ASTN2: variants seen among roughly 807,000 people sequenced by gnomAD.
The protein encoded by ASTN2 is astrotactin 2.
Under a neutral mutation model 139.8 loss-of-function variants are expected in ASTN2, and 54 were observed. The observed-to-expected ratio is 0.39, with a 90% CI of 0.31 to 0.48. The LOEUF (loss-of-function observed/expected upper bound fraction) is 0.48, where lower values mean the gene tolerates loss of function less well. ASTN2 is among the 20% of genes least tolerant of loss of function. The pLI is 0.95. For missense variants in ASTN2, 1,565 were observed against 1,725.1 expected (o/e 0.91, Z 1.64); for synonymous variants, 756 against 719.5 (o/e 1.05, Z -0.81).
chr9:117,077,906 T>C (rs1828322621), intron 5 of ASTN2, among the ~76,000 whole-genome samples: 1 of 152,250 alleles, frequency 6.6e-6, no homozygotes. Context: ...GTTCAAATTT[T>C]GCTTGCATTC....
chr9:116,612,304 A>C (rs920966900), intron 19 of ASTN2: 7 of 152,194 alleles, frequency 4.6e-5, no homozygotes, highest in East Asian at 1.9e-4. Context: ...TCAACATTAG[A>C]TAGATCAATG....
At chr9:117,048,179 T>C (rs543878404) in intron 5 of ASTN2, among the ~76,000 whole-genome samples, 7 of 152,324 alleles carry the variant, frequency 4.6e-5, no homozygotes, top group African/African-American at 1.7e-4. Flanking sequence ...ATTTAACTGC[T>C]GAGCTGCTAT....
chr9:116,627,675 G>A (rs12348785), intron 17 of ASTN2, among the ~76,000 whole-genome samples: 3,596 of 152,202 alleles, frequency 0.024, 142 homozygotes, highest in African/African-American at 0.082. Flanking sequence ...AAGGTCACTC[G>A]CTAAAATGTA....
chr9:117,204,470 G>C (rs774297882), intron 3 of ASTN2, among the ~76,000 whole-genome samples: 1 of 152,204 alleles, frequency 6.6e-6, no homozygotes, highest in Non-Finnish European at 1.5e-5. Flanking sequence ...CAAAAACAAA[G>C]ATAAAGGACA....
intron 3 of ASTN2, among the ~76,000 whole-genome samples, chr9:117,154,422 G>A (rs145658967): frequency 6.6e-4 from 101 of 152,084 alleles, no homozygotes; most frequent in African/African-American, 2.4e-3. Context: ...ATCCTGAATT[G>A]GAAACTCAGC....
intron 13 of ASTN2, among the ~76,000 whole-genome samples, chr9:116,736,587 C>G (rs905219059): frequency 1.2e-4 from 19 of 152,186 alleles, no homozygotes; most frequent in African/African-American, 4.3e-4. Context: ...AGAGAGTTAG[C>G]TATTCACCAC....
At chr9:116,629,112 C>CTTTTTT (rs57200909) in intron 17 of ASTN2, among the ~76,000 whole-genome samples, 7 of 100,508 alleles carry the variant, frequency 7.0e-5, no homozygotes, top group Non-Finnish European at 1.1e-4. Context: ...TCCAGTAACT[C>CTTTTTT]TTTTTTTTTT....
At chr9:117,355,449 A>C (rs1007897127) in intron 1 of ASTN2, among the ~76,000 whole-genome samples, 1 of 152,180 alleles carries the variant, frequency 6.6e-6, no homozygotes. Context: ...GGATAATACA[A>C]ACCCACTTCT....
chr9:117,183,805 C>A (rs1183619601), intron 3 of ASTN2, among the ~76,000 whole-genome samples: 2 of 152,220 alleles, frequency 1.3e-5, no homozygotes, highest in Non-Finnish European at 2.9e-5. Flanking sequence ...CTACATCCCC[C>A]TTTCCCACAT....
intron 1 of ASTN2, among the ~76,000 whole-genome samples, chr9:117,304,007 C>T (rs138931961): frequency 5.5e-4 from 84 of 152,292 alleles, no homozygotes; most frequent in African/African-American, 1.9e-3. Context: ...TATGCTGCCC[C>T]AGACAAAACC....
At chr9:116,565,388 CATATATATATATAT>C (rs1164878126) in intron 19 of ASTN2, among the ~76,000 whole-genome samples, 1 of 34,020 alleles carries the variant, frequency 2.9e-5, no homozygotes, top group African/African-American at 1.4e-4. Flanking sequence ...TCTCTCTCTC[CATATATATATATAT>C]ATATATATAT....
At chr9:116,620,521 A>G in intron 17 of ASTN2, 78 bp from the exon 18 acceptor site, 2 of 1,577,548 alleles carry the variant, frequency 1.3e-6, no homozygotes, top group Non-Finnish European at 1.7e-6. Context: ...GATGGCCATG[A>G]TGTGAGCCAT....
At chr9:116,999,560 T>C (rs1588469780) in intron 7 of ASTN2, among the ~76,000 whole-genome samples, 6 of 71,344 alleles carry the variant, frequency 8.4e-5, no homozygotes, top group African/African-American at 1.3e-4. Context: ...TTTTTTTTTT[T>C]TTTTTTTTTT....
intron 10 of ASTN2, among the ~76,000 whole-genome samples, chr9:116,968,603 T>C (rs1160726214): frequency 3.9e-5 from 6 of 152,108 alleles, no homozygotes; most frequent in Admixed American, 1.3e-4. Context: ...CAAACTGACA[T>C]GGAAGTTCCT....
chr9:116,670,265 T>C, intron 16 of ASTN2, among the ~76,000 whole-genome samples: 1 of 152,106 alleles, frequency 6.6e-6, no homozygotes, highest in East Asian at 1.9e-4. Context: ...TAGAACATGG[T>C]AAGGAATCAA....
intron 19 of ASTN2, among the ~76,000 whole-genome samples, chr9:116,535,470 A>T (rs1298792377): frequency 6.6e-6 from 1 of 152,062 alleles, no homozygotes; most frequent in Admixed American, 6.6e-5. Flanking sequence ...TGGTCTTTGC[A>T]ATTTGGCGTG....
chr9:116,745,851 A>G (rs1829219292), intron 13 of ASTN2, among the ~76,000 whole-genome samples: 1 of 152,208 alleles, frequency 6.6e-6, no homozygotes, highest in South Asian at 2.1e-4. Flanking sequence ...CAGCTGTAAA[A>G]CATCATCACA....
chr9:116,872,828 G>C (rs558519504), intron 10 of ASTN2, among the ~76,000 whole-genome samples: 3 of 152,122 alleles, frequency 2.0e-5, no homozygotes, highest in African/African-American at 7.2e-5. Flanking sequence ...TGATTGAGGG[G>C]CTTCAAGAGA....
chr9:117,123,724 G>A (rs941838065), intron 4 of ASTN2, among the ~76,000 whole-genome samples: 12 of 152,082 alleles, frequency 7.9e-5, no homozygotes, highest in Non-Finnish European at 1.6e-4. Context: ...GCAAAGCAAA[G>A]AGACTGTAAT....
Sources: gnomAD v4.1 joint callset for allele counts (sites outside exome capture counted in the v4.1 genomes callset) on GRCh38, gnomAD v4.1.1 for gene constraint, MANE v1.5 for transcripts, NCBI Gene and HGNC (gene_info 2026-07-23, HGNC 2026-07-21) for gene names.